Variants in SCRG1 observed in about 807,000 individuals in gnomAD.
SCRG1 encodes the protein scrapie-responsive protein 1.
SCRG1 carries 3 observed loss-of-function variants against 7.7 expected under a neutral mutation model. The observed-to-expected ratio is 0.39, with a 90% CI of 0.18 to 1.01. The LOEUF is 1.01. Ranked by LOEUF, SCRG1 falls within the 50% of genes least tolerant of loss-of-function variation. The pLI is 0.36. For synonymous variants in SCRG1, 46 were observed against 41.2 expected, an observed-to-expected ratio of 1.12 and a Z score of -0.44; for missense variants, 110 against 117.2, an observed-to-expected ratio of 0.94 and a Z score of 0.28.
At chr4:173,412,988 G>A in the SCRG1 span, among the ~76,000 whole-genome samples, 3 of 152,140 alleles carry the variant, frequency 2.0e-5, no homozygotes, top group African/African-American at 7.2e-5. Context: ...CATGTGCAAT[G>A]GGATTAATTC....
At chr4:173,415,548 G>A in the SCRG1 span, among the ~76,000 whole-genome samples, 1 of 152,142 alleles carries the variant, frequency 6.6e-6, no homozygotes, top group South Asian at 2.1e-4. Context: ...TCACACAGGG[G>A]CCTCCAAATA....
At chr4:173,447,866 A>T in the SCRG1 span, among the ~76,000 whole-genome samples, 1 of 152,226 alleles carries the variant, frequency 6.6e-6, no homozygotes, top group African/African-American at 2.4e-5. Context: ...GCACTTTGGG[A>T]GGCCGAGGCA....
chr4:173,420,894 A>C, the SCRG1 span, among the ~76,000 whole-genome samples: 1 of 152,178 alleles, frequency 6.6e-6, no homozygotes, highest in Non-Finnish European at 1.5e-5. Flanking sequence ...CCTCCTCCCC[A>C]AAGTCTGTGT....
the SCRG1 span, among the ~76,000 whole-genome samples, chr4:173,455,943 T>G: frequency 6.6e-6 from 1 of 152,044 alleles, no homozygotes; most frequent in Non-Finnish European, 1.5e-5. Context: ...AGAGGAAGAT[T>G]TCCCCAGGAG....
chr4:173,440,449 G>A, the SCRG1 span, among the ~76,000 whole-genome samples: 1 of 152,198 alleles, frequency 6.6e-6, no homozygotes, highest in Non-Finnish European at 1.5e-5. Flanking sequence ...GCCAGTCCTG[G>A]CTTGATTGGT....
At chr4:173,444,951 G>A in the SCRG1 span, among the ~76,000 whole-genome samples, 1 of 152,094 alleles carries the variant, frequency 6.6e-6, no homozygotes, top group Non-Finnish European at 1.5e-5. Flanking sequence ...TTCCAAGAAA[G>A]CGTAATAATT....
At chr4:173,507,189 C>T in the SCRG1 span, among the ~76,000 whole-genome samples, 1 of 149,462 alleles carries the variant, frequency 6.7e-6, no homozygotes, top group Non-Finnish European at 1.5e-5. The surrounding 1 kb of genome is among the most constrained non-coding windows in gnomAD (Gnocchi z 4.4). Flanking sequence ...GAGCATGGCC[C>T]TGTTTTTCTG....
the SCRG1 span, among the ~76,000 whole-genome samples, chr4:173,454,069 C>T: frequency 8.1e-6 from 1 of 123,206 alleles, no homozygotes; most frequent in Non-Finnish European, 1.8e-5. Context: ...CAGAACGAGA[C>T]TCCGTCTAAA....
chr4:173,513,107 G>A, the SCRG1 span, among the ~76,000 whole-genome samples: 1 of 152,130 alleles, frequency 6.6e-6, no homozygotes, highest in Non-Finnish European at 1.5e-5. Context: ...CTTATATGAT[G>A]CAAACAATGT....
chr4:173,476,363 A>AAAAAATATATATAT, the SCRG1 span, among the ~76,000 whole-genome samples: 1 of 98,500 alleles, frequency 1.0e-5, no homozygotes, highest in Non-Finnish European at 2.3e-5. Context: ...GGAAAAAAAA[A>AAAAAATATATATAT]ATATATATAT....
At chr4:173,415,122 A>G in the SCRG1 span, among the ~76,000 whole-genome samples, 1 of 152,370 alleles carries the variant, frequency 6.6e-6, no homozygotes, top group Admixed American at 6.5e-5. Flanking sequence ...AGTTGGCAGA[A>G]GGACTAATAA....
At chr4:173,484,778 T>C in the SCRG1 span, among the ~76,000 whole-genome samples, 15 of 91,634 alleles carry the variant, frequency 1.6e-4, no homozygotes, top group East Asian at 4.1e-3. Flanking sequence ...TTATATATTA[T>C]ATACATGTAA....
the SCRG1 span, among the ~76,000 whole-genome samples, chr4:173,425,911 C>T: frequency 4.7e-4 from 71 of 152,232 alleles, no homozygotes; most frequent in Non-Finnish European, 8.1e-4. Context: ...GAACTCCACA[C>T]ATTGAGCAAG....
chr4:173,476,363 A>AAAAAATATATATATATATATATAT, the SCRG1 span, among the ~76,000 whole-genome samples: 68 of 98,490 alleles, frequency 6.9e-4, 1 homozygote, highest in South Asian at 6.1e-3. Flanking sequence ...GGAAAAAAAA[A>AAAAAATATATATATATATATATAT]ATATATATAT....
chr4:173,486,578 C>T, the SCRG1 span, among the ~76,000 whole-genome samples: 1 of 152,114 alleles, frequency 6.6e-6, no homozygotes, highest in Non-Finnish European at 1.5e-5. Flanking sequence ...AAAAATATAT[C>T]TGATCTCAGC....
chr4:173,425,051 G>T, the SCRG1 span, among the ~76,000 whole-genome samples: 1 of 152,274 alleles, frequency 6.6e-6, no homozygotes, highest in South Asian at 2.1e-4. Context: ...AAGTTCCTAT[G>T]CCAATCATTG....
the SCRG1 span, among the ~76,000 whole-genome samples, chr4:173,423,334 A>G: frequency 6.6e-6 from 1 of 152,174 alleles, no homozygotes; most frequent in Non-Finnish European, 1.5e-5. Context: ...CTAACTCTTC[A>G]AGTCATTATT....
the SCRG1 span, among the ~76,000 whole-genome samples, chr4:173,514,018 A>G: frequency 6.6e-6 from 1 of 152,254 alleles, no homozygotes; most frequent in East Asian, 1.9e-4. Flanking sequence ...TATATTCCAC[A>G]TAATACCACA....
At chr4:173,496,450 G>A in the SCRG1 span, among the ~76,000 whole-genome samples, 1 of 152,184 alleles carries the variant, frequency 6.6e-6, no homozygotes, top group South Asian at 2.1e-4. Context: ...GAGACTATTG[G>A]TATGCAACAG....
Sources: gnomAD v4.1 joint callset for allele counts (sites outside exome capture counted in the v4.1 genomes callset) on GRCh38, gnomAD v4.1.1 for gene constraint, Gnocchi (gnomAD v3.1) non-coding constraint, MANE v1.5 for transcripts, NCBI Gene and HGNC (gene_info 2026-07-23, HGNC 2026-07-21) for gene names.